The following GRAMD1B variants were observed in gnomAD, a reference collection of about 807,000 sequenced individuals.
The protein encoded by GRAMD1B is GRAM domain containing 1B.
A neutral mutation model predicts 99.7 loss-of-function variants in GRAMD1B; 37 were observed. The observed-to-expected ratio is 0.37, with a 90% CI of 0.29 to 0.49. The LOEUF is 0.49. Ranked by LOEUF, GRAMD1B falls within the 20% of genes least tolerant of loss-of-function variation. The probability of loss-of-function intolerance (pLI) is 0.98; values close to 1 mark genes in which losing one functional copy is unlikely to be tolerated. For missense variants in GRAMD1B, 888 were observed against 1,009.2 expected (o/e 0.88, Z 1.63); for synonymous variants, 427 against 387.6 (o/e 1.10, Z -1.19).
intron 1 of GRAMD1B, among the ~76,000 whole-genome samples, chr11:123,479,382 C>T (rs908116961): frequency 6.6e-6 from 1 of 152,106 alleles, no homozygotes; most frequent in Non-Finnish European, 1.5e-5. Flanking sequence ...AGCACTTGCT[C>T]GGCAAGATTG....
intron 1 of GRAMD1B, among the ~76,000 whole-genome samples, chr11:123,392,047 A>G (rs758062477): frequency 1.3e-5 from 2 of 152,178 alleles, no homozygotes; most frequent in African/African-American, 2.4e-5. Context: ...AGATCTGAAT[A>G]GAGTGAGGGA....
chr11:123,374,313 G>T (rs919279792), intron 1 of GRAMD1B, among the ~76,000 whole-genome samples: 1 of 152,136 alleles, frequency 6.6e-6, no homozygotes, highest in Non-Finnish European at 1.5e-5. Context: ...TGAAGACAAA[G>T]AATGGTAATG....
chr11:123,575,037 G>A (rs1043646978), intron 2 of GRAMD1B, among the ~76,000 whole-genome samples: 3 of 152,144 alleles, frequency 2.0e-5, no homozygotes, highest in African/African-American at 7.2e-5. Flanking sequence ...TGTGTTGAAG[G>A]CAGCATTTTA....
intron 2 of GRAMD1B, among the ~76,000 whole-genome samples, chr11:123,530,770 TATG>T (rs1943272650): frequency 6.6e-6 from 1 of 152,196 alleles, no homozygotes; most frequent in Admixed American, 6.5e-5. Context: ...GCTTCCCAGC[TATG>T]GAAACGTTTA....
chr11:123,596,133 A>G (rs1252265738), intron 7 of GRAMD1B, 96 bp downstream of exon 7: 3 of 707,044 alleles, frequency 4.2e-6, no homozygotes, highest in East Asian at 2.8e-5. Context: ...GTGGAAGCCA[A>G]TAGGATTGGG....
chr11:123,618,233 C>T, intron 17 of GRAMD1B: 1 of 849,190 alleles, frequency 1.2e-6, no homozygotes. Context: ...ATTTTTTTCT[C>T]ATATACTCTC....
intron 2 of GRAMD1B, among the ~76,000 whole-genome samples, chr11:123,505,479 C>T (rs1001258630): frequency 6.6e-6 from 1 of 151,766 alleles, no homozygotes; most frequent in Non-Finnish European, 1.5e-5. Flanking sequence ...GGTGGTAAAC[C>T]ACTGAATGAA....
intron 2 of GRAMD1B, among the ~76,000 whole-genome samples, chr11:123,497,961 C>T (rs1307899518): frequency 6.6e-6 from 1 of 150,870 alleles, no homozygotes; most frequent in Non-Finnish European, 1.5e-5. Flanking sequence ...AGAAAAAGTT[C>T]TTCCCACTCT....
At chr11:123,584,880 G>T (rs1949909916) in intron 4 of GRAMD1B, among the ~76,000 whole-genome samples, 1 of 152,184 alleles carries the variant, frequency 6.6e-6, no homozygotes, top group Non-Finnish European at 1.5e-5. Context: ...CCACTGTCTA[G>T]GTCATCCTGG....
intron 2 of GRAMD1B, among the ~76,000 whole-genome samples, chr11:123,511,363 C>T (rs532219957): frequency 5.9e-5 from 9 of 152,134 alleles, no homozygotes; most frequent in Non-Finnish European, 1.2e-4. Flanking sequence ...AGTGCGGGCC[C>T]GGGCACCTCC....
At chr11:123,594,493 C>T (rs2136561502) in intron 5 of GRAMD1B, among the ~76,000 whole-genome samples, 1 of 152,302 alleles carries the variant, frequency 6.6e-6, no homozygotes, top group South Asian at 2.1e-4. Context: ...CTTCCTTGGC[C>T]CACTTTGCCT....
chr11:123,570,230 T>C (rs770509767), intron 2 of GRAMD1B, among the ~76,000 whole-genome samples: 3 of 152,048 alleles, frequency 2.0e-5, no homozygotes, highest in Non-Finnish European at 2.9e-5. Context: ...CCACTGGAAA[T>C]TTTCATTTAT....
intron 6 of GRAMD1B, among the ~76,000 whole-genome samples, chr11:123,595,285 A>ATT (rs11408764): frequency 0.061 from 8,888 of 146,594 alleles, 365 homozygotes; most frequent in African/African-American, 0.11. Context: ...TAACTAGATG[A>ATT]TTTTTTTTTT....
At chr11:123,542,355 G>A (rs188842483) in intron 2 of GRAMD1B, among the ~76,000 whole-genome samples, 9 of 152,376 alleles carry the variant, frequency 5.9e-5, no homozygotes, top group Admixed American at 3.9e-4. Flanking sequence ...CATAGGGAAC[G>A]TGGAAGGAAG....
intron 1 of GRAMD1B, among the ~76,000 whole-genome samples, chr11:123,387,767 G>A (rs1947120707): frequency 7.2e-6 from 1 of 139,688 alleles, no homozygotes; most frequent in African/African-American, 2.7e-5. Flanking sequence ...CTAGGAATGT[G>A]CAACCCTTTT....
chr11:123,556,405 A>C (rs1946189823), intron 2 of GRAMD1B, among the ~76,000 whole-genome samples: 1 of 152,216 alleles, frequency 6.6e-6, no homozygotes, highest in Non-Finnish European at 1.5e-5. Flanking sequence ...CAAACACAGG[A>C]AGTGAATAAA....
At chr11:123,457,525 C>G (rs770165851) in intron 1 of GRAMD1B, among the ~76,000 whole-genome samples, 1 of 152,180 alleles carries the variant, frequency 6.6e-6, no homozygotes, top group South Asian at 2.1e-4. Context: ...TAAGGCTAGA[C>G]AGGGCCTATG....
At chr11:123,450,139 A>C (rs1949822701) in intron 1 of GRAMD1B, among the ~76,000 whole-genome samples, 1 of 152,160 alleles carries the variant, frequency 6.6e-6, no homozygotes, top group Admixed American at 6.5e-5. Flanking sequence ...GCACATTGGG[A>C]ACAATATTTT....
At chr11:123,593,011 C>T (rs1209314611) in intron 4 of GRAMD1B, among the ~76,000 whole-genome samples, 1 of 152,114 alleles carries the variant, frequency 6.6e-6, no homozygotes, top group African/African-American at 2.4e-5. Context: ...GTGGGTGGAT[C>T]ACTTGAGGTC....
Sources: allele counts gnomAD v4.1 joint callset (sites outside exome capture counted in the v4.1 genomes callset), GRCh38; gene constraint gnomAD v4.1.1; transcripts MANE v1.5; gene names NCBI Gene and HGNC (gene_info 2026-07-23, HGNC 2026-07-21).